Variants in MCTP1 observed in about 807,000 individuals in gnomAD.
The protein encoded by MCTP1 is multiple C2 and transmembrane domain-containing protein 1.
Under a neutral mutation model 120.6 loss-of-function variants are expected in MCTP1, and 69 were observed. The observed-to-expected ratio is 0.57, with a 90% CI of 0.47 to 0.70. The LOEUF is 0.70. Among genes scored for constraint, MCTP1 ranks in the 30% least tolerant of loss-of-function variants. The pLI is 0.00. For synonymous variants in MCTP1, 529 were observed against 493.1 expected (o/e 1.07, Z -0.96); for missense variants, 1,203 against 1,248.8 (o/e 0.96, Z 0.55).
intron 1 of MCTP1, among the ~76,000 whole-genome samples, chr5:95,166,713 A>G (rs1460179362): frequency 3.3e-5 from 5 of 151,538 alleles, no homozygotes; most frequent in Middle Eastern, 3.2e-3. Flanking sequence ...GACCACAGGC[A>G]CCCACCACCA....
intron 19 of MCTP1, among the ~76,000 whole-genome samples, chr5:94,725,766 T>A (rs1259971586): frequency 6.6e-6 from 1 of 152,194 alleles, no homozygotes; most frequent in Non-Finnish European, 1.5e-5. Context: ...ATTAACTTCT[T>A]CATCTGTAAA....
At position 94,917,779 on chromosome 5, in the gene MCTP1, A is replaced by G. The variant is rs1000559145; in HGVS notation, c.1350+117T>C. 7.5e-6 allele frequency: 5 copies of G among 663,912 alleles called. No individual in the cohort carries two copies. The African/African-American group carries it at 9.1e-5, about 12-fold the overall frequency. The allele number at this position is 663,912 out of a possible 1,614,324, so 41.1% of individuals were successfully genotyped here. A position where few individuals can be genotyped will look rare whatever the true frequency, so the allele number is the denominator to read the frequency against. On this transcript the variant is annotated intron_variant, in intron 8 of 22. Coordinates refer to ENST00000515393, the MANE Select transcript of MCTP1 (RefSeq NM_024717.7). ...AAAATTAAGATTACAATTCCTTTTCATATCTACAAAATAGGTTAGTATAGG... is the reference window on the plus strand; with the variant it reads ...AAAATTAAGATTACAATTCCTTTTCGTATCTACAAAATAGGTTAGTATAGG...
At chr5:94,719,145 A>G (rs1760258659) in intron 19 of MCTP1, among the ~76,000 whole-genome samples, 1 of 152,240 alleles carries the variant, frequency 6.6e-6, no homozygotes, top group South Asian at 2.1e-4. Context: ...CTATTATTAA[A>G]AAGTCAAGAA....
chr5:95,049,060 C>G (rs913300923), intron 1 of MCTP1, among the ~76,000 whole-genome samples: 3 of 152,114 alleles, frequency 2.0e-5, no homozygotes, highest in African/African-American at 7.2e-5. Flanking sequence ...TTATTTTGAT[C>G]TCATGCTTCT....
chr5:95,179,760 A>G (rs925944585), intron 1 of MCTP1, among the ~76,000 whole-genome samples: 2 of 152,210 alleles, frequency 1.3e-5, no homozygotes, highest in African/African-American at 4.8e-5. Context: ...TTATGTAACA[A>G]TAACACAATG....
intron 17 of MCTP1, among the ~76,000 whole-genome samples, chr5:94,839,276 T>G (rs976802417): frequency 1.3e-5 from 2 of 152,164 alleles, no homozygotes; most frequent in Non-Finnish European, 2.9e-5. Flanking sequence ...CCACTGAATA[T>G]CCACAAAATT....
intron 1 of MCTP1, among the ~76,000 whole-genome samples, chr5:95,202,359 G>A (rs959866303): frequency 6.6e-6 from 1 of 152,106 alleles, no homozygotes; most frequent in Non-Finnish European, 1.5e-5. Context: ...TTGGTTCTAA[G>A]GCCTTTGGAC....
At chr5:94,930,528 C>T (rs1054057120) in intron 6 of MCTP1, among the ~76,000 whole-genome samples, 1 of 152,050 alleles carries the variant, frequency 6.6e-6, no homozygotes, top group African/African-American at 2.4e-5. Context: ...CCCACCTCGA[C>T]CTCCCAAAGT....
chr5:94,932,635 T>C (rs963224705), intron 5 of MCTP1, among the ~76,000 whole-genome samples: 1 of 152,050 alleles, frequency 6.6e-6, no homozygotes, highest in African/African-American at 2.4e-5. Context: ...AGATCACTAA[T>C]CTCTTGAATA....
intron 1 of MCTP1, among the ~76,000 whole-genome samples, chr5:95,245,559 G>A (rs1344852162): frequency 6.6e-6 from 1 of 151,866 alleles, no homozygotes; most frequent in Non-Finnish European, 1.5e-5. Context: ...ATTTGATCAA[G>A]TGGAAGAAAG....
chr5:94,898,955 C>T (rs188424043), intron 10 of MCTP1, among the ~76,000 whole-genome samples: 217 of 152,288 alleles, frequency 1.4e-3, no homozygotes, highest in Non-Finnish European at 1.9e-3. Flanking sequence ...GCTGCATCTT[C>T]CTTTCTTTGC....
chr5:95,122,680 A>G (rs1210571397), intron 1 of MCTP1, among the ~76,000 whole-genome samples: 1 of 152,200 alleles, frequency 6.6e-6, no homozygotes, highest in Non-Finnish European at 1.5e-5. Flanking sequence ...CAGTATATTG[A>G]AGAGGTATCT....
intron 1 of MCTP1, among the ~76,000 whole-genome samples, chr5:95,061,411 T>G (rs56181948): frequency 0.68 from 10,172 of 14,900 alleles, 3,244 homozygotes; most frequent in Non-Finnish European, 0.81. Flanking sequence ...CTTAAGGGTT[T>G]TTTTTTTTTT....
At chr5:95,118,629 G>A (rs1221595249) in intron 1 of MCTP1, among the ~76,000 whole-genome samples, 5 of 152,226 alleles carry the variant, frequency 3.3e-5, no homozygotes, top group Middle Eastern at 3.4e-3. Context: ...CTAATGATCC[G>A]TTGCCTACAA....
chr5:95,081,184 T>A (rs1754839525), intron 1 of MCTP1, among the ~76,000 whole-genome samples: 2 of 152,124 alleles, frequency 1.3e-5, no homozygotes, highest in Non-Finnish European at 2.9e-5. Flanking sequence ...TACCACAATG[T>A]TTCCATTTCT....
intron 2 of MCTP1, among the ~76,000 whole-genome samples, chr5:94,978,746 T>C (rs1828691748): frequency 6.6e-6 from 1 of 152,096 alleles, no homozygotes; most frequent in Admixed American, 6.6e-5. Flanking sequence ...AAGTCTCAAT[T>C]ACACAAGATG....
chr5:95,016,703 G>A (rs1428290071), intron 2 of MCTP1, among the ~76,000 whole-genome samples: 1 of 152,028 alleles, frequency 6.6e-6, no homozygotes, highest in African/African-American at 2.4e-5. Flanking sequence ...AATGTGCAAA[G>A]GATGCTATAC....
intron 10 of MCTP1, among the ~76,000 whole-genome samples, chr5:94,900,165 T>C (rs945214110): frequency 6.6e-6 from 1 of 152,236 alleles, no homozygotes; most frequent in Non-Finnish European, 1.5e-5. Flanking sequence ...CCAACATCCA[T>C]GCTAGAACGC....
intron 1 of MCTP1, among the ~76,000 whole-genome samples, chr5:95,125,395 C>G (rs1331339956): frequency 2.6e-5 from 4 of 152,074 alleles, no homozygotes; most frequent in Non-Finnish European, 4.4e-5. Flanking sequence ...AACTAACTGA[C>G]CTTAGCTGCC....
Sources: allele counts gnomAD v4.1 joint callset (sites outside exome capture counted in the v4.1 genomes callset), GRCh38; gene constraint gnomAD v4.1.1; transcripts MANE v1.5; gene names NCBI Gene and HGNC (gene_info 2026-07-23, HGNC 2026-07-21).